AMACR: variants seen among roughly 807,000 people sequenced by gnomAD.
The protein encoded by AMACR is 2-methylacyl-CoA racemase.
In AMACR, 18 loss-of-function variants were observed where a neutral mutation model predicts 22.2. That is an observed-to-expected ratio of 0.81 (90% CI 0.56 to 1.20). The LOEUF (loss-of-function observed/expected upper bound fraction) is 1.20. AMACR is among the 50% of genes most tolerant of loss of function. The probability of loss-of-function intolerance (pLI) is 0.00; values close to 1 mark genes in which losing one functional copy is unlikely to be tolerated. For missense variants in AMACR, 499 were observed against 490.6 expected, an observed-to-expected ratio of 1.02 and a Z score of -0.16; for synonymous variants, 213 against 191.3, an observed-to-expected ratio of 1.11 and a Z score of -0.94.
In AMACR at chr5:33,987,941, G is replaced by T; in HGVS notation, c.*1152C>A. The T allele has an allele frequency of 6.0e-6, 1 of 166,968 alleles. No homozygotes were observed. The highest frequency in any genetic ancestry group is 1.3e-5 in the Non-Finnish European group (1 of 78,142). The allele number at this position is 166,968 out of a possible 1,614,324, so 10.3% of individuals were successfully genotyped here. A position where few individuals can be genotyped will look rare whatever the true frequency, so the allele number is the denominator to read the frequency against. On this transcript the variant is annotated 3_prime_UTR_variant, in exon 5 of 5. Transcript: ENST00000335606. ...CATGAAAAAATCACTGAGGCGCTAA[G>T]GGAAACATGAACTAAGAAGCCCTTC...
chr5:33,989,624 T>G, intron 4 of AMACR, 122 bp from the exon 5 acceptor site: 3 of 828,778 alleles, frequency 3.6e-6, no homozygotes, highest in Non-Finnish European at 5.8e-6. Context: ...GCTTCTCAAA[T>G]GAGTCAAGAG....
At position 33,989,355 on chromosome 5, in the gene AMACR, G is replaced by T; in HGVS notation, c.887C>A (p.Pro296Gln). The T allele has an allele frequency of 6.2e-7, 1 of 1,614,158 alleles. No homozygotes were observed. The highest frequency in any genetic ancestry group is 1.1e-5 in the South Asian group (1 of 91,074). ...IFDGTDACVT[P>Q]VLTFEEVVHH... Reference sequence around the variant, plus strand: ...AACAACCTCCTCAAAAGTCAGAACCGGAGTCACACAGGCATCTGTGCCGTC... The same window carrying T: ...AACAACCTCCTCAAAAGTCAGAACCTGAGTCACACAGGCATCTGTGCCGTC... The change falls in exon 5 of 5, where the codon CCG (proline) becomes CAG (glutamine). Residue 296 changes from proline (P) to glutamine (Q), a missense_variant. Physicochemically the swap from Pro to Gln is moderately conservative, Grantham distance 76 (BLOSUM62 -1). Transcript: ENST00000335606.
At position 34,007,754 on chromosome 5, in the gene AMACR, C is replaced by A; in HGVS notation, c.247+19G>T. ...TCCGCGGGAACTTCCCGAGAGCAGC[C>A]CGCGGGGCCCGGGCTCACCGCGGCG... is the stretch of plus-strand genomic sequence containing the variant. On this transcript the variant is annotated intron_variant, in intron 1 of 4. Transcript: ENST00000335606. 2 of 1,536,820 alleles carry A rather than the reference C, an allele frequency of 1.3e-6. No homozygotes were observed. The highest frequency in any genetic ancestry group is 1.7e-6 in the Non-Finnish European group (2 of 1,147,342).
At chr5:34,002,535 T>C (rs1486630436) in intron 3 of AMACR, among the ~76,000 whole-genome samples, 1 of 152,104 alleles carries the variant, frequency 6.6e-6, no homozygotes, top group African/African-American at 2.4e-5. Context: ...GCAGGGGAAG[T>C]TGTTGAAAGC....
intron 2 of AMACR, 27 bp from the exon 3 acceptor site, chr5:34,004,761 T>C (rs1282992483): frequency 6.2e-7 from 1 of 1,607,798 alleles, no homozygotes; most frequent in Non-Finnish European, 8.5e-7. Context: ...AAATTTAATG[T>C]CTCTTTTAAA....
In AMACR at chr5:33,998,658, T is replaced by C. The variant is rs201659164; in HGVS notation, c.722A>G (p.Tyr241Cys). 6.2e-7 allele frequency: 1 copy of C among 1,609,968 alleles called. No individual in the cohort carries two copies. The highest frequency in any genetic ancestry group is 1.7e-5 in the Admixed American group (1 of 59,730). Residue 241 changes from tyrosine to cysteine, a missense_variant, in exon 4 of 5, where the codon TAC becomes TGC. Coordinates refer to ENST00000335606, the MANE Select transcript of AMACR (RefSeq NM_014324.6). ...TCACTTACCTTTGATCAGCAGCTCG[T>C]AGAACTGGGGTTCTATTGCTCCAAC... ...MAVGAIEPQF[Y>C]ELLIKGLGLK... is the part of the protein sequence containing the mutation.
At position 33,998,924 on chromosome 5, in the gene AMACR, T is replaced by G. The variant is rs977737103; in HGVS notation, c.553-97A>C. 4.8e-5 allele frequency: 57 copies of G among 1,178,632 alleles called. No homozygotes were observed. The Middle Eastern group carries it at 7.7e-4, about 16-fold the overall frequency. 73.0% of individuals were successfully genotyped at this position (1,178,632 alleles called of 1,614,324 possible). The stretch of plus-strand genomic sequence containing the variant: ...AAGTTAAAAAAAATTTGCGTAAAAA[T>G]TCTTATCTTAGAGTATACGAAGATT... On this transcript the variant is annotated intron_variant, in intron 3 of 4. Coordinates refer to ENST00000335606, the MANE Select transcript of AMACR (RefSeq NM_014324.6).
chr5:33,998,678 T>A lies in AMACR; in HGVS notation c.702A>T (p.Gly234=). ...GCTCGTAGAACTGGGGTTCTATTGC[T>A]CCAACAGCCATGAATTCCCCATCTG... is the stretch of plus-strand genomic sequence containing the variant. ...RTADGEFMAV[G]AIEPQFYELL... The change falls in exon 4 of 5, where the codon GGA becomes GGT. Residue 234 remains glycine (G), a synonymous_variant. Transcript: ENST00000335606. 6.2e-7 allele frequency: 1 copy of A among 1,613,518 alleles called. No individual in the cohort carries two copies. The highest frequency in any genetic ancestry group is 8.5e-7 in the Non-Finnish European group (1 of 1,179,640).
intron 4 of AMACR, among the ~76,000 whole-genome samples, chr5:33,991,952 C>T (rs952847194): frequency 6.6e-6 from 1 of 152,114 alleles, no homozygotes; most frequent in African/African-American, 2.4e-5. Flanking sequence ...GATCTCGGCT[C>T]ACTGCAACCT....
intron 4 of AMACR, chr5:33,994,057 A>G: frequency 2.2e-6 from 1 of 456,168 alleles, no homozygotes; most frequent in Non-Finnish European, 4.4e-6. Flanking sequence ...TATGCACCTT[A>G]AAAAGATTTT....
chr5:33,998,872 T>C, intron 3 of AMACR, 45 bp from the exon 4 acceptor site: 3 of 1,583,448 alleles, frequency 1.9e-6, no homozygotes, highest in Non-Finnish European at 2.6e-6. Flanking sequence ...AACTCAAGTG[T>C]CAAAGCATGA....
chr5:33,999,817 G>GTTC (rs1753757645), intron 3 of AMACR, among the ~76,000 whole-genome samples: 1 of 152,140 alleles, frequency 6.6e-6, no homozygotes, highest in Non-Finnish European at 1.5e-5. Flanking sequence ...TTATGGCTGT[G>GTTC]ACATTTATTG....
chr5:33,997,423 G>A, intron 4 of AMACR: 2 of 778,150 alleles, frequency 2.6e-6, no homozygotes, highest in Non-Finnish European at 2.4e-6. Flanking sequence ...GACTTGGGCT[G>A]CAACGATGGC....
chr5:33,992,724 G>C (rs1753522135), intron 4 of AMACR, among the ~76,000 whole-genome samples: 1 of 152,012 alleles, frequency 6.6e-6, no homozygotes, highest in African/African-American at 2.4e-5. Flanking sequence ...AAATAAAATA[G>C]AATAGAATAA....
At chr5:34,006,330 C>A (rs948922146) in intron 1 of AMACR, among the ~76,000 whole-genome samples, 6 of 152,186 alleles carry the variant, frequency 3.9e-5, no homozygotes, top group African/African-American at 1.2e-4. Context: ...TCCACAGGCG[C>A]TAAAGTGCCT....
chr5:34,004,445 C>T, intron 3 of AMACR, 129 bp downstream of exon 3: 1 of 1,198,194 alleles, frequency 8.3e-7, no homozygotes, highest in Non-Finnish European at 1.2e-6. Flanking sequence ...AAAAGGATAT[C>T]CTTGGTAACC....
At position 34,007,968 on chromosome 5, in the gene AMACR, G is replaced by A; in HGVS notation, c.52C>T (p.Pro18Ser). Reference sequence around the variant, plus strand: ...TCAGCCAGGACCATAGCACAGAACGGGCCCGGGGCCAGGCCGGACAGCTCC... The same window carrying A: ...TCAGCCAGGACCATAGCACAGAACGAGCCCGGGGCCAGGCCGGACAGCTCC... ...VVELSGLAPG[P>S]FCAMVLADFG... The change falls in exon 1 of 5, where the codon CCG becomes TCG. Residue 18 changes from proline to serine, a missense_variant. By Grantham distance (74) the Pro-to-Ser change is moderately conservative. Coordinates refer to ENST00000335606, the MANE Select transcript of AMACR (RefSeq NM_014324.6). 1 of 1,611,540 alleles carries A rather than the reference G, an allele frequency of 6.2e-7. No individual in the cohort carries two copies. Among genetic ancestry groups the A allele is most frequent in the Non-Finnish European group, 8.5e-7 (1 of 1,179,628 alleles).
At position 33,989,059 on chromosome 5, in the gene AMACR, G is replaced by C. The variant is rs770311997; in HGVS notation, c.*34C>G. 9 of 1,613,580 alleles carry C rather than the reference G, an allele frequency of 5.6e-6. No homozygotes were observed. In the East Asian group the frequency reaches 2.0e-4, roughly 36 times the overall value. On this transcript the variant is annotated 3_prime_UTR_variant, in exon 5 of 5. Coordinates refer to ENST00000335606, the MANE Select transcript of AMACR (RefSeq NM_014324.6). Reference sequence around the variant, plus strand: ...TGTGTTACTCTACACTGTAAATGCAGTATTCAAATTCACTTGAGCCGTGGG... The same window carrying C: ...TGTGTTACTCTACACTGTAAATGCACTATTCAAATTCACTTGAGCCGTGGG...
Position 33,988,547 on chromosome 5 carries a change from C to A in AMACR, c.*546G>T. 1 of 1,380,690 alleles carries A rather than the reference C, an allele frequency of 7.2e-7. No individual in the cohort carries two copies. Among genetic ancestry groups the A allele is most frequent in the Non-Finnish European group, 9.3e-7 (1 of 1,070,540 alleles). The allele number at this position is 1,380,690 out of a possible 1,614,324, so 85.5% of individuals were successfully genotyped here. Reference sequence around the variant, plus strand: ...TTTTTCAGTTGAAGGCATTCTGATTCAATACAGGTGAAACTTTTCTTTGCA... The same window carrying A: ...TTTTTCAGTTGAAGGCATTCTGATTAAATACAGGTGAAACTTTTCTTTGCA... On this transcript the variant is annotated 3_prime_UTR_variant, in exon 5 of 5. Coordinates refer to ENST00000335606, the MANE Select transcript of AMACR (RefSeq NM_014324.6).
Sources: allele counts gnomAD v4.1 joint callset (sites outside exome capture counted in the v4.1 genomes callset), GRCh38; gene constraint gnomAD v4.1.1; transcripts MANE v1.5; gene names NCBI Gene and HGNC (gene_info 2026-07-23, HGNC 2026-07-21).